DST: variants seen among roughly 807,000 people sequenced by gnomAD.
The protein encoded by DST is dystonin, also known as bullous pemphigoid antigen.
DST carries 253 observed loss-of-function variants against 875.2 expected under a neutral mutation model. That is an observed-to-expected ratio of 0.29 (90% confidence interval 0.26 to 0.32). The LOEUF (loss-of-function observed/expected upper bound fraction) is 0.32, where lower values mean the gene tolerates loss of function less well. DST is among the 10% of genes least tolerant of loss of function. The pLI is 1.00. For synonymous variants in DST, 3,124 were observed against 3,197.1 expected, an observed-to-expected ratio of 0.98 and a Z score of 0.77; for missense variants, 8,287 against 9,111.6, an observed-to-expected ratio of 0.91 and a Z score of 3.68.
Position 56,596,131 on chromosome 6 carries a change from C to T in DST, c.12195+1609G>A, listed in dbSNP as rs1586097542. Among the ~76,000 whole-genome samples the T allele has an allele frequency of 2.0e-5, 3 of 152,056 alleles. 1 individual carries two copies. The highest frequency in any genetic ancestry group is 4.2e-4 in the South Asian group (2 of 4,812). On this transcript the variant is annotated intron_variant, in intron 47 of 103. Coordinates refer to ENST00000680361, the MANE Select transcript of DST (RefSeq NM_001374736.1). ...GCAACCTCTGTTTTCTGGGTTCCAG[C>T]GATTCTCCTGCCTCAGTCTCCCAAG...
At chr6:56,481,986 C>T (rs1378511191) in intron 90 of DST, 64 bp downstream of exon 90, 4 of 1,526,680 alleles carry the variant, frequency 2.6e-6, no homozygotes, top group South Asian at 2.4e-5. Context: ...TTTGTAATCC[C>T]GAGTCTATTT....
intron 4 of DST, among the ~76,000 whole-genome samples, chr6:56,814,056 A>C (rs887513072): frequency 2.0e-5 from 3 of 152,178 alleles, no homozygotes; most frequent in African/African-American, 7.2e-5. Context: ...TGTATTACTA[A>C]CTCAAAAATA....
rs770941216 is a variant in DST at position 56,605,322 on chromosome 6, T to C, written c.9306A>G (p.Glu3102=). 5.6e-6 allele frequency: 9 copies of C among 1,612,226 alleles called. No individual in the cohort carries two copies. Among genetic ancestry groups the C allele is most frequent in the South Asian group, 2.2e-5 (2 of 90,992 alleles). ...TTTTAAGGCTTCCTTTCTGATTAAG[T>C]TCTTCATTGTTTGTGATTTGTGGAA... The part of the protein sequence containing the change: ...FPFPQITNNE[E]LNQKGSLKKA... Residue 3102 remains glutamate (E), a synonymous_variant, in exon 40 of 104, where the codon GAA becomes GAG. Coordinates refer to ENST00000680361, the MANE Select transcript of DST (RefSeq NM_001374736.1).
At chr6:56,951,798 C>T (rs930009254) in intron 2 of DST, among the ~76,000 whole-genome samples, 2 of 152,182 alleles carry the variant, frequency 1.3e-5, no homozygotes, top group African/African-American at 4.8e-5. Context: ...TTGTGACTTA[C>T]ATTTTTAGCA....
At chr6:56,624,826 C>T (rs2098719472) in intron 35 of DST, among the ~76,000 whole-genome samples, 198 bp from the exon 36 acceptor site, 1 of 152,020 alleles carries the variant, frequency 6.6e-6, no homozygotes, top group Non-Finnish European at 1.5e-5. Flanking sequence ...CTAAATTTCA[C>T]CATGAAGTAC....
intron 87 of DST, among the ~76,000 whole-genome samples, chr6:56,486,435 G>A (rs1418268241): frequency 2.8e-5 from 4 of 143,332 alleles, no homozygotes; most frequent in African/African-American, 7.7e-5. Context: ...GAGTTCCCCA[G>A]AACTGAATAT....
intron 22 of DST, among the ~76,000 whole-genome samples, chr6:56,638,378 T>C (rs1205988730): frequency 6.6e-6 from 1 of 152,142 alleles, no homozygotes; most frequent in African/African-American, 2.4e-5. Context: ...TAAAAGATCA[T>C]ACATAACATC....
chr6:56,642,351 C>A, intron 16 of DST, 59 bp downstream of exon 16: 2 of 1,218,774 alleles, frequency 1.6e-6, no homozygotes, highest in Non-Finnish European at 2.4e-6. Context: ...AGTTTTAGTT[C>A]ATCCAAACGC....
chr6:56,508,029 GTTTT>G (rs1441316466), intron 75 of DST, among the ~76,000 whole-genome samples: 1 of 151,994 alleles, frequency 6.6e-6, no homozygotes, highest in Non-Finnish European at 1.5e-5. Context: ...TGTTGTTGTT[GTTTT>G]GTGTTTTTGT....
chr6:56,567,423 C>CAAAA (rs2097697420), intron 55 of DST, among the ~76,000 whole-genome samples: 1 of 111,604 alleles, frequency 9.0e-6, no homozygotes, highest in Non-Finnish European at 1.8e-5. Flanking sequence ...TGGTAGTTAC[C>CAAAA]AAGAGTAAAA....
At chr6:56,620,158 C>T (rs1157963244) in intron 36 of DST, 1 of 1,613,554 alleles carries the variant, frequency 6.2e-7, no homozygotes, top group Admixed American at 1.7e-5. Flanking sequence ...TTTCCATCTG[C>T]TTTATCAGCT....
chr6:56,659,110 GA>G (rs2099025470), intron 10 of DST, among the ~76,000 whole-genome samples: 1 of 152,166 alleles, frequency 6.6e-6, no homozygotes, highest in Non-Finnish European at 1.5e-5. Flanking sequence ...GGTGGACAGA[GA>G]AAAAAATTTA....
At chr6:56,858,346 A>G (rs1769092667) in intron 3 of DST, among the ~76,000 whole-genome samples, 1 of 145,446 alleles carries the variant, frequency 6.9e-6, no homozygotes, top group Non-Finnish European at 1.5e-5. Flanking sequence ...ACTGGAATTT[A>G]GAACACAAAC....
At chr6:56,635,345 A>C (rs1425385115) in intron 24 of DST, among the ~76,000 whole-genome samples, 3 of 152,070 alleles carry the variant, frequency 2.0e-5, no homozygotes, top group African/African-American at 4.8e-5. Context: ...GAATAACTAA[A>C]CACACACGTG....
At chr6:56,766,677 C>A (rs780278069) in intron 4 of DST, among the ~76,000 whole-genome samples, 2 of 152,036 alleles carry the variant, frequency 1.3e-5, no homozygotes, top group South Asian at 4.2e-4. Context: ...ATTACAGGCA[C>A]GCGCCACCAT....
chr6:56,641,866 C>A, intron 17 of DST, 81 bp downstream of exon 17: 1 of 1,094,696 alleles, frequency 9.1e-7, no homozygotes, highest in Non-Finnish European at 1.3e-6. Flanking sequence ...ATAAAATTTT[C>A]ATACTCTACA....
chr6:56,787,197 C>T (rs180839740), intron 4 of DST, among the ~76,000 whole-genome samples: 14 of 152,294 alleles, frequency 9.2e-5, no homozygotes, highest in African/African-American at 2.9e-4. Flanking sequence ...TTCTTAAGCT[C>T]TCTCAGGAGC....
intron 87 of DST, 54 bp downstream of exon 87, chr6:56,487,050 G>GT (rs1204770907): frequency 3.3e-5 from 51 of 1,556,734 alleles, no homozygotes; most frequent in Non-Finnish European, 4.2e-5. Context: ...CACCATTACT[G>GT]TGTATTTGAA....
At chr6:56,598,454 C>A in intron 46 of DST, 22 bp downstream of exon 46, 2 of 1,423,912 alleles carry the variant, frequency 1.4e-6, no homozygotes, top group South Asian at 2.9e-5. Flanking sequence ...AGCAATAGTG[C>A]ACCACATATT....
Sources: allele counts gnomAD v4.1 joint callset (sites outside exome capture counted in the v4.1 genomes callset), GRCh38; gene constraint gnomAD v4.1.1; transcripts MANE v1.5; gene names NCBI Gene and HGNC (gene_info 2026-07-23, HGNC 2026-07-21).